MAGI2: variants seen among roughly 807,000 people sequenced by gnomAD.
MAGI2 encodes the protein membrane associated guanylate kinase, WW and PDZ domain containing 2, also known as membrane-associated guanylate kinase, WW and PDZ domain-containing protein 2.
In MAGI2, 35 loss-of-function variants were observed where a neutral mutation model predicts 133.3. The ratio of observed to expected loss-of-function variants is 0.26; its 90% CI spans 0.20 to 0.35. MAGI2 has a LOEUF of 0.35. Ranked by LOEUF, MAGI2 falls within the 10% of genes least tolerant of loss-of-function variation. MAGI2 has a pLI of 1.00. For synonymous variants in MAGI2, 729 were observed against 710.6 expected, an observed-to-expected ratio of 1.03 and a Z score of -0.41; for missense variants, 1,636 against 1,863.4, an observed-to-expected ratio of 0.88 and a Z score of 2.25.
chr7:78,443,696 G>A (rs1213613224), intron 6 of MAGI2, among the ~76,000 whole-genome samples: 2 of 151,934 alleles, frequency 1.3e-5, no homozygotes, highest in Non-Finnish European at 2.9e-5. Context: ...ACCTCATGAA[G>A]ACTTTTAAAA....
At chr7:78,565,217 C>T (rs1043941871) in intron 3 of MAGI2, among the ~76,000 whole-genome samples, 2 of 152,130 alleles carry the variant, frequency 1.3e-5, no homozygotes, top group East Asian at 3.9e-4. Flanking sequence ...ATCCCAGCTA[C>T]TCAGGAAGCT....
At chr7:79,280,756 T>C (rs1215957072) in intron 1 of MAGI2, among the ~76,000 whole-genome samples, 1 of 151,148 alleles carries the variant, frequency 6.6e-6, no homozygotes, top group Admixed American at 6.6e-5. Context: ...AGATCACACC[T>C]CTACACAAAT....
intron 1 of MAGI2, among the ~76,000 whole-genome samples, chr7:79,352,283 G>C (rs571160272): frequency 6.6e-6 from 1 of 152,288 alleles, no homozygotes; most frequent in African/African-American, 2.4e-5. Flanking sequence ...AAACAGCTTT[G>C]TCTCATTTGG....
chr7:78,231,558 T>A (rs1163759524), intron 10 of MAGI2, among the ~76,000 whole-genome samples: 3 of 152,234 alleles, frequency 2.0e-5, no homozygotes, highest in Non-Finnish European at 4.4e-5. Flanking sequence ...ACTGTAACAC[T>A]TCTATGCGTC....
chr7:78,628,196 C>T (rs1563263819), intron 2 of MAGI2, among the ~76,000 whole-genome samples: 1 of 152,176 alleles, frequency 6.6e-6, no homozygotes, highest in Non-Finnish European at 1.5e-5. Context: ...ATACTTCCTC[C>T]CTTGAATATG....
Position 78,132,934 on chromosome 7 carries a change from TGGGCGATGG to T in MAGI2, c.3149_3157del (p.Pro1050_Ala1052del). On this transcript the variant is annotated inframe_deletion, in exon 18 of 22. Transcript: ENST00000354212. ...CTGAAGTGGTTGAGGTGGTGCTGGCTGGGCGATGGGGCTGTTGGGGGTGGCTGGGCTTGG... is the reference window on the plus strand; with the variant it reads ...CTGAAGTGGTTGAGGTGGTGCTGGCTGGCTGTTGGGGGTGGCTGGGCTTGG... The T allele has an allele frequency of 6.2e-7, 1 of 1,613,980 alleles. No homozygotes were observed.
At chr7:78,497,019 GC>G (rs780735506) in intron 5 of MAGI2, among the ~76,000 whole-genome samples, 1 of 152,084 alleles carries the variant, frequency 6.6e-6, no homozygotes, top group African/African-American at 2.4e-5. Context: ...GAGTAAAAAC[GC>G]TTAACAGATG....
At chr7:78,215,810 GAAATA>G (rs1216738283) in intron 10 of MAGI2, among the ~76,000 whole-genome samples, 2 of 152,348 alleles carry the variant, frequency 1.3e-5, no homozygotes, top group South Asian at 4.1e-4. Flanking sequence ...TATCTCTAAT[GAAATA>G]AAATCTTCCA....
chr7:79,150,304 T>A (rs1823076067), intron 1 of MAGI2, among the ~76,000 whole-genome samples: 1 of 151,948 alleles, frequency 6.6e-6, no homozygotes, highest in Non-Finnish European at 1.5e-5. Context: ...AGATCTTTCA[T>A]AACTCCAACA....
chr7:79,345,956 T>C (rs972602776), intron 1 of MAGI2, among the ~76,000 whole-genome samples: 3 of 152,102 alleles, frequency 2.0e-5, no homozygotes, highest in Admixed American at 2.0e-4. Context: ...TACCAAATGA[T>C]CTGGCAATAA....
At chr7:78,557,797 G>A (rs913518162) in intron 3 of MAGI2, among the ~76,000 whole-genome samples, 7 of 151,954 alleles carry the variant, frequency 4.6e-5, no homozygotes, top group Non-Finnish European at 7.4e-5. Flanking sequence ...ATTTCAGAGC[G>A]GATTTCAGTG....
intron 1 of MAGI2, among the ~76,000 whole-genome samples, chr7:79,051,852 G>A (rs1447453185): frequency 6.6e-6 from 1 of 151,922 alleles, no homozygotes; most frequent in Non-Finnish European, 1.5e-5. Flanking sequence ...TTAAATATTT[G>A]TTAATTTTGA....
chr7:79,173,974 A>G lies in MAGI2; in HGVS notation c.302-166768T>C, dbSNP rs561230122. Among the ~76,000 whole-genome samples, 58 of 152,040 alleles carry G rather than the reference A, an allele frequency of 3.8e-4. 1 individual carries two copies. The highest frequency in any genetic ancestry group is 2.5e-4 in the Non-Finnish European group (17 of 67,998). ...TAGATCAATTTTGTGAACCACAGGCAGTTTTTTTTTATTTGAAACGGAATG... is the reference window on the plus strand; with the variant it reads ...TAGATCAATTTTGTGAACCACAGGCGGTTTTTTTTTATTTGAAACGGAATG... On this transcript the variant is annotated intron_variant, in intron 1 of 21. Coordinates refer to ENST00000354212, the MANE Select transcript of MAGI2 (RefSeq NM_012301.4).
At chr7:78,322,507 A>T (rs1441602886) in intron 9 of MAGI2, among the ~76,000 whole-genome samples, 4 of 152,156 alleles carry the variant, frequency 2.6e-5, no homozygotes, top group Non-Finnish European at 5.9e-5. Context: ...AACTAACACA[A>T]AAACAGAAAA....
intron 10 of MAGI2, among the ~76,000 whole-genome samples, chr7:78,222,224 C>T (rs752028985): frequency 7.9e-5 from 12 of 152,080 alleles, no homozygotes; most frequent in East Asian, 1.9e-4. Context: ...TAGTAAACCA[C>T]GTGTTTTATG....
intron 14 of MAGI2, among the ~76,000 whole-genome samples, chr7:78,169,845 T>C (rs1369692546): frequency 6.6e-6 from 1 of 152,192 alleles, no homozygotes; most frequent in Non-Finnish European, 1.5e-5. Flanking sequence ...AGAAGTTGGG[T>C]ATGCTCTGAT....
intron 6 of MAGI2, among the ~76,000 whole-genome samples, chr7:78,395,384 T>C (rs1432489913): frequency 6.6e-6 from 1 of 152,186 alleles, no homozygotes; most frequent in Non-Finnish European, 1.5e-5. Flanking sequence ...TCATGGTTAC[T>C]GAGATTCAAT....
At chr7:78,573,075 A>ATATATG (rs1801721229) in intron 3 of MAGI2, among the ~76,000 whole-genome samples, 2 of 98,366 alleles carry the variant, frequency 2.0e-5, no homozygotes, top group Non-Finnish European at 1.9e-5. Context: ...ATATATATAT[A>ATATATG]TACACACACA....
intron 5 of MAGI2, among the ~76,000 whole-genome samples, chr7:78,490,906 T>G (rs1793544592): frequency 6.6e-6 from 1 of 151,974 alleles, no homozygotes; most frequent in East Asian, 1.9e-4. Flanking sequence ...TGTGAGGTGT[T>G]TCTAGGGAAC....
Sources: allele counts gnomAD v4.1 joint callset (sites outside exome capture counted in the v4.1 genomes callset), GRCh38; gene constraint gnomAD v4.1.1; transcripts MANE v1.5; gene names NCBI Gene and HGNC (gene_info 2026-07-23, HGNC 2026-07-21).